TMTC1: variants seen among roughly 807,000 people sequenced by gnomAD.
TMTC1 encodes the protein protein O-mannosyl-transferase TMTC1.
Under a neutral mutation model 104.8 loss-of-function variants are expected in TMTC1, and 73 were observed. The ratio of observed to expected loss-of-function variants is 0.70; its 90% CI spans 0.58 to 0.85. The LOEUF is 0.85. Ranked by LOEUF, TMTC1 falls within the 40% of genes least tolerant of loss-of-function variation. The probability of loss-of-function intolerance (pLI) is 0.00; values close to 1 mark genes in which losing one functional copy is unlikely to be tolerated. For missense variants in TMTC1, 1,035 were observed against 1,096.1 expected, an observed-to-expected ratio of 0.94 and a Z score of 0.79; for synonymous variants, 434 against 428.7, an observed-to-expected ratio of 1.01 and a Z score of -0.15.
intron 5 of TMTC1, among the ~76,000 whole-genome samples, chr12:29,669,832 TC>T (rs1940436821): frequency 6.6e-6 from 1 of 152,190 alleles, no homozygotes; most frequent in Non-Finnish European, 1.5e-5. Flanking sequence ...GCTTTTCGAT[TC>T]ATTCTAACAT....
chr12:29,598,338 C>G (rs915833222), intron 7 of TMTC1, among the ~76,000 whole-genome samples: 14 of 152,190 alleles, frequency 9.2e-5, no homozygotes, highest in African/African-American at 2.7e-4. Flanking sequence ...AATTTTTCTC[C>G]TTTTGCATTC....
At chr12:29,739,284 C>T (rs917173424) in intron 5 of TMTC1, among the ~76,000 whole-genome samples, 5 of 151,934 alleles carry the variant, frequency 3.3e-5, no homozygotes, top group Admixed American at 1.3e-4. Flanking sequence ...CATAGTTGCA[C>T]GCATTCATGT....
intron 5 of TMTC1, among the ~76,000 whole-genome samples, chr12:29,724,632 T>A (rs4931214): frequency 0.38 from 57,152 of 152,006 alleles, 11,479 homozygotes; most frequent in Non-Finnish European, 0.46. Flanking sequence ...CTCAGAAACA[T>A]AGTGTTGCAT....
In TMTC1 at chr12:29,512,074, C is replaced by A; in HGVS notation, c.2477G>T (p.Trp826Leu). The change falls in exon 17 of 18, where the codon TGG becomes TTG. Residue 826 changes from tryptophan (W) to leucine (L), a missense_variant. Trp to Leu is a moderately conservative substitution (Grantham distance 61). Coordinates refer to ENST00000539277, the MANE Select transcript of TMTC1 (RefSeq NM_001193451.2). ...GTGTTGGATGCCACCCATGTTCATC[C>A]AGGCCTGTGCTTGGTCTGGGTTTAG... ...VQLNPDQAQA[W>L]MNMGGIQHIK... 6.2e-7 allele frequency: 1 copy of A among 1,614,086 alleles called. No individual in the cohort carries two copies. Among genetic ancestry groups the A allele is most frequent in the Non-Finnish European group, 8.5e-7 (1 of 1,179,970 alleles).
At chr12:29,759,401 G>A (rs1488699243) in intron 2 of TMTC1, among the ~76,000 whole-genome samples, 1 of 152,190 alleles carries the variant, frequency 6.6e-6, no homozygotes. Context: ...GGAGGCTGAG[G>A]TGGGAGGACT....
chr12:29,693,339 C>G (rs1941320282), intron 5 of TMTC1, among the ~76,000 whole-genome samples: 1 of 144,798 alleles, frequency 6.9e-6, no homozygotes, highest in African/African-American at 2.5e-5. Flanking sequence ...TATCCATCAT[C>G]TCAAACATTT....
chr12:29,758,542 C>T (rs1046696123), intron 3 of TMTC1, among the ~76,000 whole-genome samples, 162 bp downstream of exon 3: 2 of 151,620 alleles, frequency 1.3e-5, no homozygotes, highest in Non-Finnish European at 2.9e-5. Flanking sequence ...GAAGAGAAAA[C>T]GGCCCAGCAC....
chr12:29,751,847 T>C lies in TMTC1; in HGVS notation c.757A>G (p.Ser253Gly). 6.3e-7 allele frequency: 1 copy of C among 1,585,878 alleles called. No homozygotes were observed. Among genetic ancestry groups the C allele is most frequent in the Non-Finnish European group, 8.6e-7 (1 of 1,165,898 alleles). Residue 253 changes from serine (S) to glycine (G), a missense_variant, in exon 5 of 18, where the codon AGC (serine) becomes GGC (glycine). Transcript: ENST00000539277. ...KSSNGALCPR[S>G]PQQPGSPQPS... ...TGGGGGCTCCCGGGCTGCTGTGGGC[T>C]GCGTGGACAGAGGGCCCCATTGCTC...
chr12:29,689,504 G>T (rs939125510), intron 5 of TMTC1, among the ~76,000 whole-genome samples: 4 of 152,028 alleles, frequency 2.6e-5, no homozygotes, highest in Non-Finnish European at 5.9e-5. Context: ...AGTAGAGATG[G>T]GGGTTTCACC....
At chr12:29,553,893 A>G (rs1315311790) in intron 10 of TMTC1, among the ~76,000 whole-genome samples, 1 of 152,240 alleles carries the variant, frequency 6.6e-6, no homozygotes, top group Admixed American at 6.5e-5. Context: ...ATTTTCAATT[A>G]GAGCCAAATT....
intron 9 of TMTC1, among the ~76,000 whole-genome samples, chr12:29,565,078 T>C (rs1565674345): frequency 6.6e-6 from 1 of 152,264 alleles, no homozygotes; most frequent in South Asian, 2.1e-4. Flanking sequence ...CCTAAGGAAC[T>C]GGCTCTCATG....
At chr12:29,782,350 T>C (rs1410102029) in intron 1 of TMTC1, among the ~76,000 whole-genome samples, 1 of 152,230 alleles carries the variant, frequency 6.6e-6, no homozygotes. Flanking sequence ...TTCTGAGTCA[T>C]CAGAGACACC....
At chr12:29,587,807 C>G (rs1236354358) in intron 7 of TMTC1, among the ~76,000 whole-genome samples, 1 of 152,102 alleles carries the variant, frequency 6.6e-6, no homozygotes, top group Non-Finnish European at 1.5e-5. Flanking sequence ...ATCCTAGGCA[C>G]TAAACATATA....
chr12:29,776,411 C>G (rs1943709111), intron 1 of TMTC1, among the ~76,000 whole-genome samples: 1 of 152,144 alleles, frequency 6.6e-6, no homozygotes, highest in African/African-American at 2.4e-5. Context: ...CTCCACTTTT[C>G]TCTTTGAGAA....
At chr12:29,514,709 G>T (rs983517162) in intron 15 of TMTC1, 105 bp from the exon 16 acceptor site, 22 of 1,228,930 alleles carry the variant, frequency 1.8e-5, no homozygotes, top group Non-Finnish European at 2.5e-5. Flanking sequence ...CAGCAGGTAT[G>T]GTATGTGACA....
chr12:29,708,842 C>T (rs1941822782), intron 5 of TMTC1, among the ~76,000 whole-genome samples: 1 of 152,140 alleles, frequency 6.6e-6, no homozygotes, highest in South Asian at 2.1e-4. Context: ...TGAAGCTTTG[C>T]AGTTGAAATG....
chr12:29,615,934 G>A (rs1005968117), intron 6 of TMTC1, among the ~76,000 whole-genome samples: 7 of 152,114 alleles, frequency 4.6e-5, no homozygotes, highest in African/African-American at 1.7e-4. Context: ...CAGTGACCCA[G>A]GCACCTTTGT....
chr12:29,589,050 A>C (rs1946213600), intron 7 of TMTC1, among the ~76,000 whole-genome samples: 1 of 152,200 alleles, frequency 6.6e-6, no homozygotes. Flanking sequence ...CTACAGATAA[A>C]AGCTTAACTA....
intron 5 of TMTC1, among the ~76,000 whole-genome samples, chr12:29,677,670 A>ATCCCACTTGG (rs895518930): frequency 6.6e-6 from 1 of 152,236 alleles, no homozygotes. Context: ...ATCTCACATT[A>ATCCCACTTGG]TCCCACTTGG....
Sources: gnomAD v4.1 joint callset for allele counts (sites outside exome capture counted in the v4.1 genomes callset) on GRCh38, gnomAD v4.1.1 for gene constraint, MANE v1.5 for transcripts, NCBI Gene and HGNC (gene_info 2026-07-23, HGNC 2026-07-21) for gene names.